Variants in MACROD2 observed in about 807,000 individuals in gnomAD.
MACROD2 encodes mono-ADP ribosylhydrolase 2.
In MACROD2, 36 loss-of-function variants were observed where a neutral mutation model predicts 70.4. The ratio of observed to expected loss-of-function variants is 0.51; its 90% CI spans 0.39 to 0.68. MACROD2 has a LOEUF of 0.68. Ranked by LOEUF, MACROD2 falls within the 30% of genes least tolerant of loss-of-function variation. The probability of loss-of-function intolerance (pLI) is 0.00; values close to 1 mark genes in which losing one functional copy is unlikely to be tolerated. For synonymous variants in MACROD2, 172 were observed against 178.8 expected (o/e 0.96, Z 0.30); for missense variants, 496 against 538.4 (o/e 0.92, Z 0.78).
intron 4 of MACROD2, among the ~76,000 whole-genome samples, chr20:14,578,174 T>C (rs1980739581): frequency 1.3e-5 from 2 of 151,084 alleles, no homozygotes; most frequent in African/African-American, 2.4e-5. Flanking sequence ...ATATTTTATA[T>C]TACACATATA....
chr20:15,472,972 C>T (rs540153801), intron 7 of MACROD2, among the ~76,000 whole-genome samples: 48 of 152,240 alleles, frequency 3.2e-4, no homozygotes, highest in Admixed American at 7.2e-4. Context: ...AAGAATCTTT[C>T]TTGCCCCTAA....
At chr20:15,367,826 C>T (rs908003041) in intron 6 of MACROD2, among the ~76,000 whole-genome samples, 4 of 151,918 alleles carry the variant, frequency 2.6e-5, no homozygotes, top group African/African-American at 9.7e-5. Flanking sequence ...CACATGTATA[C>T]GTTAGAAGCA....
At chr20:14,714,643 C>CT (rs1244188061) in intron 5 of MACROD2, among the ~76,000 whole-genome samples, 1 of 152,092 alleles carries the variant, frequency 6.6e-6, no homozygotes, top group Non-Finnish European at 1.5e-5. Flanking sequence ...GTTCAACATG[C>CT]CCCCTCTCAT....
At chr20:16,009,393 C>T (rs528408516) in intron 15 of MACROD2, among the ~76,000 whole-genome samples, 2 of 152,324 alleles carry the variant, frequency 1.3e-5, no homozygotes, top group South Asian at 4.1e-4. Flanking sequence ...ATTTTATCCC[C>T]TTACTCATGT....
chr20:15,822,971 C>T (rs774899970), intron 8 of MACROD2, among the ~76,000 whole-genome samples: 5 of 152,272 alleles, frequency 3.3e-5, no homozygotes, highest in South Asian at 4.1e-4. Context: ...CCAGCCGGCA[C>T]GTTGGTTTCC....
At chr20:14,408,182 T>C (rs1467221395) in intron 3 of MACROD2, among the ~76,000 whole-genome samples, 1 of 152,210 alleles carries the variant, frequency 6.6e-6, no homozygotes, top group Non-Finnish European at 1.5e-5. Flanking sequence ...TGAATCATAT[T>C]AAGATTTCAG....
intron 5 of MACROD2, among the ~76,000 whole-genome samples, chr20:14,692,227 G>A (rs918402433): frequency 6.6e-5 from 10 of 152,162 alleles, no homozygotes; most frequent in Non-Finnish European, 1.0e-4. Flanking sequence ...ACTCTATTGC[G>A]TGCTCAAGTG....
intron 1 of MACROD2, among the ~76,000 whole-genome samples, chr20:14,001,498 T>TAC (rs1448251835): frequency 6.6e-6 from 1 of 152,158 alleles, no homozygotes; most frequent in African/African-American, 2.4e-5. Context: ...TTACTATTTG[T>TAC]ACATACCTGT....
intron 6 of MACROD2, among the ~76,000 whole-genome samples, chr20:15,343,253 G>A (rs1477141502): frequency 1.3e-5 from 2 of 152,126 alleles, no homozygotes; most frequent in East Asian, 1.9e-4. Flanking sequence ...GACATTTTTT[G>A]TGTTCATTTG....
chr20:16,008,667 T>C (rs186666593), intron 15 of MACROD2, among the ~76,000 whole-genome samples: 28 of 152,312 alleles, frequency 1.8e-4, no homozygotes, highest in Non-Finnish European at 1.5e-5. Context: ...ATTTAACATG[T>C]GTAAAGTTCT....
intron 10 of MACROD2, among the ~76,000 whole-genome samples, chr20:15,893,236 G>A (rs1182321434): frequency 6.6e-6 from 1 of 152,188 alleles, no homozygotes; most frequent in Admixed American, 6.5e-5. Flanking sequence ...TTGTCAGTAT[G>A]TTGTATTTTC....
intron 8 of MACROD2, among the ~76,000 whole-genome samples, chr20:15,683,868 T>TTATA (rs2050193180): frequency 6.6e-6 from 1 of 152,094 alleles, no homozygotes; most frequent in African/African-American, 2.4e-5. Flanking sequence ...GTGTGAGCCA[T>TTATA]CGCGCCTGGC....
rs866837698 is a variant in MACROD2, at chr20:15,519,411, A to G, written c.645+19564A>G. On this transcript the variant is annotated intron_variant, in intron 8 of 17. Transcript: ENST00000684519. ...AGTACTGAGATTACAGGCGTGAGTC[A>G]CCGTGCCCAGCCGTTTCTCTGTTTT... Among the ~76,000 whole-genome samples the G allele has an allele frequency of 1.5e-4, 23 of 152,312 alleles. No individual in the cohort carries two copies. The Middle Eastern group carries it at 0.014, about 90-fold the overall frequency.
At chr20:14,911,458 G>A (rs2074026609) in intron 5 of MACROD2, among the ~76,000 whole-genome samples, 1 of 152,080 alleles carries the variant, frequency 6.6e-6, no homozygotes, top group Non-Finnish European at 1.5e-5. Flanking sequence ...GCTCACTGCA[G>A]CCTCGGCCTC....
In MACROD2 at chr20:14,273,222, A is replaced by G. The variant is rs531630721; in HGVS notation, c.271+187494A>G. Among the ~76,000 whole-genome samples the G allele has an allele frequency of 2.0e-5, 3 of 152,228 alleles. No homozygotes were observed. In the East Asian group the frequency reaches 5.8e-4, roughly 29 times the overall value. On this transcript the variant is annotated intron_variant, in intron 3 of 17. Transcript: ENST00000684519. ...TTCAGCACCACACCACATGTATTCCAAAATTGACCACATAGTTGGATGTAA... is the reference window on the plus strand; with the variant it reads ...TTCAGCACCACACCACATGTATTCCGAAATTGACCACATAGTTGGATGTAA...
At chr20:15,500,654 T>C (rs1277249434) in intron 8 of MACROD2, among the ~76,000 whole-genome samples, 1 of 152,204 alleles carries the variant, frequency 6.6e-6, no homozygotes, top group Non-Finnish European at 1.5e-5. Flanking sequence ...AATTTAGCTA[T>C]TTTCCTTGGG....
At chr20:14,303,904 T>G (rs1317319738) in intron 3 of MACROD2, among the ~76,000 whole-genome samples, 1 of 152,180 alleles carries the variant, frequency 6.6e-6, no homozygotes, top group African/African-American at 2.4e-5. Flanking sequence ...GTATCTTCTA[T>G]GATTCTTTTG....
At chr20:14,231,424 A>G (rs2081811544) in intron 3 of MACROD2, among the ~76,000 whole-genome samples, 2 of 152,086 alleles carry the variant, frequency 1.3e-5, no homozygotes, top group Non-Finnish European at 2.9e-5. Flanking sequence ...TTTGCTGAGA[A>G]TGATGGTTTC....
At chr20:14,744,663 G>A (rs558132148) in intron 5 of MACROD2, among the ~76,000 whole-genome samples, 5 of 152,224 alleles carry the variant, frequency 3.3e-5, no homozygotes, top group Non-Finnish European at 5.9e-5. Flanking sequence ...TGATAGAACA[G>A]TGTCAAAAAT....
Sources: allele counts gnomAD v4.1 joint callset (sites outside exome capture counted in the v4.1 genomes callset), GRCh38; gene constraint gnomAD v4.1.1; transcripts MANE v1.5; gene names NCBI Gene and HGNC (gene_info 2026-07-23, HGNC 2026-07-21).